DGKI: variants seen among roughly 807,000 people sequenced by gnomAD.
The protein encoded by DGKI is DAG kinase iota.
A neutral mutation model predicts 147.5 loss-of-function variants in DGKI; 55 were observed. That is an observed-to-expected ratio of 0.37 (90% CI 0.30 to 0.47). DGKI has a LOEUF of 0.47. Ranked by LOEUF, DGKI falls within the 20% of genes least tolerant of loss-of-function variation. The probability of loss-of-function intolerance (pLI) is 1.00; values close to 1 mark genes in which losing one functional copy is unlikely to be tolerated. For synonymous variants in DGKI, 469 were observed against 477.1 expected (o/e 0.98, Z 0.22); for missense variants, 1,007 against 1,323.8 (o/e 0.76, Z 3.71).
chr7:137,594,405 T>C (rs1459925257), intron 12 of DGKI, among the ~76,000 whole-genome samples: 1 of 152,144 alleles, frequency 6.6e-6, no homozygotes, highest in Admixed American at 6.5e-5. Context: ...GCCTAAGAAC[T>C]TTTTTCCAAA....
chr7:137,425,201 C>A (rs112886014), intron 28 of DGKI, among the ~76,000 whole-genome samples: 1 of 151,648 alleles, frequency 6.6e-6, no homozygotes, highest in African/African-American at 2.4e-5. Context: ...TGAGACAAAA[C>A]TTCCAGAGGA....
intron 23 of DGKI, among the ~76,000 whole-genome samples, chr7:137,485,045 C>G (rs1401490545): frequency 6.6e-6 from 1 of 152,016 alleles, no homozygotes. Flanking sequence ...CCACCTTGAT[C>G]TGGACTTTTT....
intron 19 of DGKI, among the ~76,000 whole-genome samples, chr7:137,562,688 G>A (rs971395953): frequency 5.3e-5 from 8 of 152,212 alleles, no homozygotes; most frequent in Non-Finnish European, 1.2e-4. Context: ...CAACAATTTA[G>A]ACAAAATAAT....
intron 21 of DGKI, among the ~76,000 whole-genome samples, chr7:137,511,374 G>C (rs1051467132): frequency 6.6e-6 from 1 of 152,144 alleles, no homozygotes; most frequent in Non-Finnish European, 1.5e-5. Context: ...AGAATATTTG[G>C]CTTGGCAATA....
At chr7:137,827,425 G>A (rs985292521) in intron 1 of DGKI, among the ~76,000 whole-genome samples, 1 of 152,138 alleles carries the variant, frequency 6.6e-6, no homozygotes, top group Non-Finnish European at 1.5e-5. Context: ...TCACACTGCT[G>A]CACAAATACG....
intron 1 of DGKI, among the ~76,000 whole-genome samples, chr7:137,732,475 T>C (rs1794912277): frequency 6.6e-6 from 1 of 152,098 alleles, no homozygotes; most frequent in African/African-American, 2.4e-5. Context: ...TGATGATAAC[T>C]GCCCTAGAAC....
At position 137,755,478 on chromosome 7, in the gene DGKI, G is replaced by A. The variant is rs556147970; in HGVS notation, c.402-65476C>T. ...TTTCAGGCTTAAAAATTGCTTCTAG[G>A]TCTAGATTGAGATCTTTGCCTTGGT... On this transcript the variant is annotated intron_variant, in intron 1 of 32. Coordinates refer to ENST00000614521, the MANE Select transcript of DGKI (RefSeq NM_001321708.2). 3.9e-5 allele frequency among the ~76,000 whole-genome samples: 6 copies of A among 152,260 alleles called. No individual in the cohort carries two copies. In the East Asian group the frequency reaches 1.2e-3, roughly 29 times the overall value.
intron 12 of DGKI, among the ~76,000 whole-genome samples, chr7:137,592,656 A>C (rs1308633898): frequency 6.6e-6 from 1 of 152,196 alleles, no homozygotes; most frequent in Admixed American, 6.5e-5. Flanking sequence ...AGCGAAGGAC[A>C]CTCACGTTTG....
intron 1 of DGKI, among the ~76,000 whole-genome samples, chr7:137,694,451 T>C (rs916550903): frequency 5.9e-5 from 9 of 152,226 alleles, no homozygotes; most frequent in Admixed American, 5.2e-4. Context: ...TTTATGTGGC[T>C]CCCGTTTTCT....
intron 20 of DGKI, among the ~76,000 whole-genome samples, chr7:137,535,196 T>G (rs1312562874): frequency 1.3e-5 from 2 of 152,142 alleles, no homozygotes; most frequent in East Asian, 3.9e-4. Context: ...ACTCCTTTTG[T>G]TCTAATCCTA....
At chr7:137,432,133 T>C (rs550903959) in intron 28 of DGKI, among the ~76,000 whole-genome samples, 11 of 152,322 alleles carry the variant, frequency 7.2e-5, no homozygotes, top group African/African-American at 2.4e-4. Flanking sequence ...CCTTCTGCCA[T>C]GATTGTAAGT....
chr7:137,569,589 C>T lies in DGKI; in HGVS notation c.1947+1586G>A, dbSNP rs530443718. Reference sequence around the variant, plus strand: ...TAAAAATACAAAAAAATTAGCCGGGCGTGGTGGTGGGCGCCTGTAGTCCCA... The same window carrying T: ...TAAAAATACAAAAAAATTAGCCGGGTGTGGTGGTGGGCGCCTGTAGTCCCA... On this transcript the variant is annotated intron_variant, in intron 19 of 32. Coordinates refer to ENST00000614521, the MANE Select transcript of DGKI (RefSeq NM_001321708.2). Among the ~76,000 whole-genome samples the T allele has an allele frequency of 5.9e-3, 890 of 150,880 alleles. 8 individuals are homozygous for T. Among genetic ancestry groups the T allele is most frequent in the African/African-American group, 0.02 (838 of 41,146 alleles).
chr7:137,406,973 A>T (rs931170934), intron 30 of DGKI, among the ~76,000 whole-genome samples: 7 of 147,992 alleles, frequency 4.7e-5, no homozygotes, highest in South Asian at 2.2e-4. Flanking sequence ...GTGAATGTTT[A>T]TGAGTATGCT....
chr7:137,451,964 G>A (rs777937783), intron 27 of DGKI, among the ~76,000 whole-genome samples: 4 of 152,032 alleles, frequency 2.6e-5, no homozygotes, highest in Non-Finnish European at 5.9e-5. Context: ...CTTCTTTGGA[G>A]ATAGGATGTC....
At chr7:137,819,849 C>A (rs763135229) in intron 1 of DGKI, among the ~76,000 whole-genome samples, 2 of 152,168 alleles carry the variant, frequency 1.3e-5, no homozygotes, top group Admixed American at 1.3e-4. Flanking sequence ...CTAGAATACA[C>A]CATGTTTTTT....
chr7:137,398,238 T>C (rs1331916490), intron 30 of DGKI, among the ~76,000 whole-genome samples: 3 of 152,198 alleles, frequency 2.0e-5, no homozygotes, highest in Admixed American at 2.0e-4. Flanking sequence ...ATCATCCAAG[T>C]TGGGACCACC....
intron 8 of DGKI, among the ~76,000 whole-genome samples, chr7:137,618,949 A>T (rs192452579): frequency 1.3e-5 from 2 of 152,190 alleles, no homozygotes; most frequent in African/African-American, 2.4e-5. Flanking sequence ...AGTATCCCTG[A>T]TCCACCAGTT....
intron 6 of DGKI, among the ~76,000 whole-genome samples, chr7:137,634,272 A>G (rs1349473544): frequency 6.6e-6 from 1 of 152,172 alleles, no homozygotes; most frequent in African/African-American, 2.4e-5. Context: ...ACAGTGCTGC[A>G]GCAGGTCCAG....
chr7:137,609,494 G>T (rs368502903), intron 9 of DGKI, 41 bp downstream of exon 9: 102 of 1,504,742 alleles, frequency 6.8e-5, no homozygotes, highest in Non-Finnish European at 9.2e-5. Context: ...ACTATGGAAA[G>T]AAAGTGGAAA....
Sources: gnomAD v4.1 joint callset for allele counts (sites outside exome capture counted in the v4.1 genomes callset) on GRCh38, gnomAD v4.1.1 for gene constraint, MANE v1.5 for transcripts, NCBI Gene and HGNC (gene_info 2026-07-23, HGNC 2026-07-21) for gene names.